AJAP1: variants seen among roughly 807,000 people sequenced by gnomAD.
AJAP1 encodes the protein adherens junction-associated protein 1.
Under a neutral mutation model 35.0 loss-of-function variants are expected in AJAP1, and 5 were observed. The observed-to-expected ratio is 0.14, with a 90% CI of 0.07 to 0.30. The LOEUF is 0.30. Ranked by LOEUF, AJAP1 falls within the 10% of genes least tolerant of loss-of-function variation. AJAP1 has a pLI of 1.00. For synonymous variants in AJAP1, 284 were observed against 249.3 expected (o/e 1.14, Z -1.31); for missense variants, 586 against 571.0 (o/e 1.03, Z -0.27).
chr1:4,734,372 G>T lies in AJAP1; in HGVS notation c.829+21673G>T, dbSNP rs1640871539. 6.6e-6 allele frequency among the ~76,000 whole-genome samples: 1 copy of T among 152,204 alleles called. No individual in the cohort carries two copies. The highest frequency in any genetic ancestry group is 1.5e-5 in the Non-Finnish European group (1 of 68,040). ...GCCCACAGGACACACGTCCTGGGAAGAAGGCATTCCTCTGATCTTAAATCA... is the reference window on the plus strand; with the variant it reads ...GCCCACAGGACACACGTCCTGGGAATAAGGCATTCCTCTGATCTTAAATCA... On this transcript the variant is annotated intron_variant, in intron 2 of 5. Coordinates refer to ENST00000378191, the MANE Select transcript of AJAP1 (RefSeq NM_018836.4). This position sits in a 1 kb window ranked among gnomAD's most constrained non-coding sequence, Gnocchi z 4.3.
In AJAP1 at chr1:4,655,318, G is replaced by T. The variant is rs1258068527; in HGVS notation, c.-108G>T. ...GGCCGGCGGGCGGCGGGAGGCGGCG[G>T]ACCGAGAGCCGGAGACCGGCGCCGC... On this transcript the variant is annotated 5_prime_UTR_variant, in exon 1 of 6. Transcript: ENST00000378191. The surrounding 1 kb of genome is among the most constrained non-coding windows in gnomAD (Gnocchi z 6.9). The T allele has an allele frequency of 1.0e-6, 1 of 982,818 alleles. No homozygotes were observed. The highest frequency in any genetic ancestry group is 3.8e-5 in the South Asian group (1 of 26,470). 60.9% of individuals were successfully genotyped at this position (982,818 alleles called of 1,614,324 possible). A position where few individuals can be genotyped will look rare whatever the true frequency, so the allele number is the denominator to read the frequency against.
chr1:4,678,514 G>A (rs1639408266), intron 1 of AJAP1, among the ~76,000 whole-genome samples: 1 of 152,224 alleles, frequency 6.6e-6, no homozygotes, highest in African/African-American at 2.4e-5. Context: ...CTTGAAGGCT[G>A]CCTGACAGAG....
rs770409024 is a variant in AJAP1 at position 4,788,020 on chromosome 1, G to C, written c.*5535G>C. On this transcript the variant is annotated 3_prime_UTR_variant, in exon 6 of 6. Coordinates refer to ENST00000378191, the MANE Select transcript of AJAP1 (RefSeq NM_018836.4). ...TTTTTGATTATTTGTTTGTTTTCTA[G>C]TGTAAATAGCACAGCCCACATAAAT... 3.3e-6 allele frequency: 1 copy of C among 306,724 alleles called. No homozygotes were observed. Among genetic ancestry groups the C allele is most frequent in the Non-Finnish European group, 6.5e-6 (1 of 154,238 alleles). 19.0% of individuals were successfully genotyped at this position (306,724 alleles called of 1,614,324 possible).
intron 5 of AJAP1, among the ~76,000 whole-genome samples, chr1:4,776,789 T>G (rs1441769934): frequency 6.6e-6 from 1 of 151,984 alleles, no homozygotes; most frequent in Non-Finnish European, 1.5e-5. Flanking sequence ...AGGAGCTGTT[T>G]CAGGACCACC....
At chr1:4,760,700 T>C (rs1042346567) in intron 2 of AJAP1, among the ~76,000 whole-genome samples, 1 of 152,214 alleles carries the variant, frequency 6.6e-6, no homozygotes. Context: ...CTGTAACCCA[T>C]TTCATAGTCA....
rs770264216 is a variant in AJAP1 at position 4,655,470 on chromosome 1, G to C, written c.29+16G>C. On this transcript the variant is annotated intron_variant, in intron 1 of 5. Coordinates refer to ENST00000378191, the MANE Select transcript of AJAP1 (RefSeq NM_018836.4). This position sits in a 1 kb window ranked among gnomAD's most constrained non-coding sequence, Gnocchi z 6.9. ...TAGGACTCAGGTGAGCGACCCGGCC[G>C]GCGCCGGGTGCGTGTGGGCGCGTGG... 32 of 1,564,188 alleles carry C rather than the reference G, an allele frequency of 2.0e-5. No individual in the cohort carries two copies. The South Asian group carries it at 3.6e-4, about 17-fold the overall frequency.
rs185636297 is a variant in AJAP1 at position 4,662,687 on chromosome 1, C to T, written c.29+7233C>T. ...TGGAAAATGTGCCGGGCTAGGCGCC[C>T]GTGGTCCAGCTCTGGGGTGGGATAG... On this transcript the variant is annotated intron_variant, in intron 1 of 5. Transcript: ENST00000378191. 2.8e-3 allele frequency among the ~76,000 whole-genome samples: 423 copies of T among 152,360 alleles called. 1 individual carries two copies. Among genetic ancestry groups the T allele is most frequent in the Admixed American group, 4.6e-3 (70 of 15,308 alleles).
At chr1:4,684,613 A>G (rs1040490704) in intron 1 of AJAP1, among the ~76,000 whole-genome samples, 3 of 152,162 alleles carry the variant, frequency 2.0e-5, no homozygotes, top group Non-Finnish European at 4.4e-5. Flanking sequence ...TCTTGGGTTG[A>G]GAAGGTTTTT....
At chr1:4,657,656 G>A (rs1474729107) in intron 1 of AJAP1, among the ~76,000 whole-genome samples, 1 of 148,290 alleles carries the variant, frequency 6.7e-6, no homozygotes, top group African/African-American at 2.5e-5. Flanking sequence ...CAGCTGGGGT[G>A]GCAGAAGGCC....
rs138080277 is a variant in AJAP1, at chr1:4,750,170, T to G, written c.830-19683T>G. Among the ~76,000 whole-genome samples, 10 of 152,066 alleles carry G rather than the reference T, an allele frequency of 6.6e-5. No individual in the cohort carries two copies. The East Asian group carries it at 1.9e-3, about 29-fold the overall frequency. On this transcript the variant is annotated intron_variant, in intron 2 of 5. Transcript: ENST00000378191. ...TGTGCATTTGTCCCTGGCCATGTGT[T>G]TGTGTGTATGTGTGCATGCCCATGT...
chr1:4,664,309 A>G (rs544718248), intron 1 of AJAP1, among the ~76,000 whole-genome samples: 1 of 152,364 alleles, frequency 6.6e-6, no homozygotes, highest in Admixed American at 6.5e-5. Flanking sequence ...GCAGCCAAGT[A>G]TGGGATTTGA....
intron 1 of AJAP1, among the ~76,000 whole-genome samples, chr1:4,688,766 C>T (rs538402040): frequency 1.0e-4 from 11 of 106,054 alleles, no homozygotes; most frequent in East Asian, 8.4e-4. Context: ...AGTGAGACTC[C>T]GTCTCAAAAA....
chr1:4,662,291 C>T (rs955654017), intron 1 of AJAP1, among the ~76,000 whole-genome samples: 2 of 152,160 alleles, frequency 1.3e-5, no homozygotes, highest in East Asian at 1.9e-4. Context: ...CTGATTTGGC[C>T]TTGATGGATT....
chr1:4,667,051 G>A (rs1278805385), intron 1 of AJAP1, among the ~76,000 whole-genome samples: 1 of 152,110 alleles, frequency 6.6e-6, no homozygotes, highest in Non-Finnish European at 1.5e-5. Context: ...CTGTGTCCTG[G>A]TGGAGCAGCT....
intron 1 of AJAP1, among the ~76,000 whole-genome samples, chr1:4,711,651 G>A (rs1453280129): frequency 6.6e-6 from 1 of 152,214 alleles, no homozygotes; most frequent in Non-Finnish European, 1.5e-5. Context: ...TGCCTGGCAG[G>A]CGCCTCAGCC....
intron 2 of AJAP1, among the ~76,000 whole-genome samples, chr1:4,725,379 A>G (rs1640630572): frequency 6.6e-6 from 1 of 152,068 alleles, no homozygotes; most frequent in African/African-American, 2.4e-5. Context: ...CTCGTGCACC[A>G]TGGATGCCCC....
At chr1:4,753,055 A>G (rs380239) in intron 2 of AJAP1, among the ~76,000 whole-genome samples, 72,415 of 152,112 alleles carry the variant, frequency 0.48, 18,638 homozygotes, top group African/African-American at 0.64. Context: ...AAAGATGCCA[A>G]CCAGAGAGCC....
intron 2 of AJAP1, among the ~76,000 whole-genome samples, chr1:4,730,689 A>C (rs1442416552): frequency 6.6e-6 from 1 of 152,198 alleles, no homozygotes; most frequent in Non-Finnish European, 1.5e-5. Context: ...CCCAGGAGGA[A>C]AACACCAGCC....
intron 1 of AJAP1, among the ~76,000 whole-genome samples, chr1:4,702,504 T>C (rs1449440058): frequency 6.6e-6 from 1 of 152,252 alleles, no homozygotes; most frequent in Non-Finnish European, 1.5e-5. Flanking sequence ...GGCTTGACCG[T>C]GGAACCCTTC....
Sources: gnomAD v4.1 joint callset for allele counts (sites outside exome capture counted in the v4.1 genomes callset) on GRCh38, gnomAD v4.1.1 for gene constraint, Gnocchi (gnomAD v3.1) non-coding constraint, MANE v1.5 for transcripts, NCBI Gene and HGNC (gene_info 2026-07-23, HGNC 2026-07-21) for gene names.